Variants in FRMD3 observed in about 807,000 individuals in gnomAD.
FRMD3 encodes FERM domain-containing protein 3.
FRMD3 carries 33 observed loss-of-function variants against 70.2 expected under a neutral mutation model. The observed-to-expected ratio is 0.47, with a 90% CI of 0.36 to 0.63. The LOEUF (loss-of-function observed/expected upper bound fraction) is 0.63. FRMD3 is among the 20% of genes least tolerant of loss of function. The pLI is 0.00. For missense variants in FRMD3, 632 were observed against 711.4 expected, an observed-to-expected ratio of 0.89 and a Z score of 1.27; for synonymous variants, 279 against 255.9, an observed-to-expected ratio of 1.09 and a Z score of -0.86.
chr9:83,555,361 G>A, the FRMD3 span, among the ~76,000 whole-genome samples: 5 of 149,900 alleles, frequency 3.3e-5, no homozygotes, highest in Admixed American at 3.3e-4. Flanking sequence ...CCCAGTGAGG[G>A]GGAATGGGAT....
chr9:83,333,321 C>T (rs1206629356), intron 6 of FRMD3, among the ~76,000 whole-genome samples: 1 of 152,172 alleles, frequency 6.6e-6, no homozygotes, highest in Non-Finnish European at 1.5e-5. Context: ...ATGTGCAGGA[C>T]CACATGTGCC....
chr9:83,473,033 C>T lies in FRMD3; in HGVS notation c.147+65052G>A, dbSNP rs551477250. Among the ~76,000 whole-genome samples, 43 of 152,260 alleles carry T rather than the reference C, an allele frequency of 2.8e-4. 2 individuals carry two copies. The South Asian group carries it at 8.5e-3, about 30-fold the overall frequency. On this transcript the variant is annotated intron_variant, in intron 1 of 13. Coordinates refer to ENST00000304195, the MANE Select transcript of FRMD3 (RefSeq NM_174938.6). ...CCAGGCTCCATGCTTACAATATTTCCCCTTCCAACGCTTTCTGCATCCTGC... is the reference window on the plus strand; with the variant it reads ...CCAGGCTCCATGCTTACAATATTTCTCCTTCCAACGCTTTCTGCATCCTGC...
intron 1 of FRMD3, among the ~76,000 whole-genome samples, chr9:83,440,152 G>C (rs1827254115): frequency 6.6e-6 from 1 of 152,190 alleles, no homozygotes; most frequent in South Asian, 2.1e-4. Context: ...CAATTTCTTT[G>C]TAGCCAGTGG....
At chr9:83,360,321 G>A (rs1236578220) in intron 3 of FRMD3, among the ~76,000 whole-genome samples, 4 of 152,170 alleles carry the variant, frequency 2.6e-5, no homozygotes, top group Admixed American at 2.6e-4. Context: ...ACTTGGTATT[G>A]AGATTTGATA....
intron 1 of FRMD3, among the ~76,000 whole-genome samples, chr9:83,441,796 C>G (rs1046335343): frequency 6.6e-6 from 1 of 152,126 alleles, no homozygotes; most frequent in Non-Finnish European, 1.5e-5. Context: ...GATGCCATGA[C>G]AGAAAGGGAG....
At chr9:83,419,790 A>G (rs546342200) in intron 1 of FRMD3, among the ~76,000 whole-genome samples, 1 of 152,350 alleles carries the variant, frequency 6.6e-6, no homozygotes, top group South Asian at 2.1e-4. Flanking sequence ...AACAAAAACC[A>G]AATCAACAAC....
chr9:83,377,419 G>A (rs1466339293), intron 2 of FRMD3, among the ~76,000 whole-genome samples: 1 of 152,120 alleles, frequency 6.6e-6, no homozygotes, highest in African/African-American at 2.4e-5. Context: ...ATGTACTGGT[G>A]CAAGATACAG....
chr9:83,331,974 G>A, intron 6 of FRMD3: 1 of 693,050 alleles, frequency 1.4e-6, no homozygotes, highest in Non-Finnish European at 2.7e-6. Flanking sequence ...GACCTTCCAG[G>A]GCTCTTTTCC....
intron 1 of FRMD3, among the ~76,000 whole-genome samples, chr9:83,464,947 G>A (rs1258432349): frequency 6.6e-6 from 1 of 151,644 alleles, no homozygotes; most frequent in Admixed American, 6.6e-5. Context: ...TTGAACCCAG[G>A]AGATTGAGGT....
intron 1 of FRMD3, among the ~76,000 whole-genome samples, chr9:83,523,179 G>C (rs529608783): frequency 3.1e-4 from 47 of 151,072 alleles, no homozygotes; most frequent in Non-Finnish European, 5.6e-4. Context: ...TGGATGGATG[G>C]ATGGATGGAT....
chr9:83,304,414 G>T (rs1247401502), intron 10 of FRMD3, among the ~76,000 whole-genome samples: 1 of 152,084 alleles, frequency 6.6e-6, no homozygotes, highest in African/African-American at 2.4e-5. Context: ...TAAAAATATG[G>T]ACTCTCATGC....
At chr9:83,408,287 C>A (rs1175328314) in intron 1 of FRMD3, among the ~76,000 whole-genome samples, 1 of 152,218 alleles carries the variant, frequency 6.6e-6, no homozygotes, top group Non-Finnish European at 1.5e-5. Flanking sequence ...ATGAACCAAG[C>A]TTGCTCCCTG....
intron 5 of FRMD3, among the ~76,000 whole-genome samples, chr9:83,338,852 A>G (rs1057203508): frequency 1.1e-4 from 17 of 152,102 alleles, no homozygotes; most frequent in African/African-American, 3.9e-4. Flanking sequence ...CTGATGATTA[A>G]CTCAACCTAT....
At chr9:83,270,230 CAGA>C (rs1833489331) in intron 13 of FRMD3, among the ~76,000 whole-genome samples, 1 of 152,190 alleles carries the variant, frequency 6.6e-6, no homozygotes, top group Non-Finnish European at 1.5e-5. Flanking sequence ...CCAAAGAAAG[CAGA>C]AGATGTGTGA....
At chr9:83,434,313 C>T (rs1300161481) in intron 1 of FRMD3, among the ~76,000 whole-genome samples, 1 of 152,232 alleles carries the variant, frequency 6.6e-6, no homozygotes, top group Non-Finnish European at 1.5e-5. Flanking sequence ...TTCTGCAAGG[C>T]AGTGGAGTTA....
chr9:83,322,192 C>T (rs1835827616), intron 6 of FRMD3, among the ~76,000 whole-genome samples: 1 of 152,048 alleles, frequency 6.6e-6, no homozygotes, highest in African/African-American at 2.4e-5. Context: ...CATTGCAGGG[C>T]AGTGGGCATT....
At chr9:83,444,531 C>T (rs1827399110) in intron 1 of FRMD3, among the ~76,000 whole-genome samples, 1 of 152,154 alleles carries the variant, frequency 6.6e-6, no homozygotes, top group African/African-American at 2.4e-5. Flanking sequence ...TTTGGCTCTG[C>T]AGAAGTGAAG....
intron 1 of FRMD3, among the ~76,000 whole-genome samples, chr9:83,506,900 CT>C (rs1354919264): frequency 6.6e-6 from 1 of 152,072 alleles, no homozygotes; most frequent in African/African-American, 2.4e-5. Context: ...TATTTTTAAA[CT>C]TTTTTTCTTT....
chr9:83,411,629 G>C (rs756324877), intron 1 of FRMD3, among the ~76,000 whole-genome samples: 2 of 152,194 alleles, frequency 1.3e-5, no homozygotes, highest in Non-Finnish European at 2.9e-5. Context: ...GCTTGTCAGT[G>C]GTAGTGGGGT....
Sources: gnomAD v4.1 joint callset for allele counts (sites outside exome capture counted in the v4.1 genomes callset) on GRCh38, gnomAD v4.1.1 for gene constraint, MANE v1.5 for transcripts, NCBI Gene and HGNC (gene_info 2026-07-23, HGNC 2026-07-21) for gene names.